The following REG4 variants were observed in gnomAD, a reference collection of about 807,000 sequenced individuals.
REG4 encodes regenerating family member 4, also known as regenerating islet-derived protein 4.
REG4 carries 16 observed loss-of-function variants against 22.3 expected under a neutral mutation model. That is an observed-to-expected ratio of 0.72 (90% confidence interval 0.49 to 1.09). The LOEUF (loss-of-function observed/expected upper bound fraction) is 1.09. REG4 is among the 50% of genes least tolerant of loss of function. The pLI is 0.00. For missense variants in REG4, 214 were observed against 193.9 expected (o/e 1.10, Z -0.61); for synonymous variants, 71 against 69.2 (o/e 1.03, Z -0.13).
At chr1:119,807,102 T>A (rs994478540) in intron 2 of REG4, among the ~76,000 whole-genome samples, 1 of 152,220 alleles carries the variant, frequency 6.6e-6, no homozygotes, top group Non-Finnish European at 1.5e-5. Flanking sequence ...TTGCTCTATG[T>A]CTCTCCACTC....
chr1:119,794,638 G>A lies in REG4; in HGVS notation c.457C>T (p.Leu153=). 1.2e-6 allele frequency: 2 copies of A among 1,614,178 alleles called. No individual in the cohort carries two copies. Among genetic ancestry groups the A allele is most frequent in the African/African-American group, 2.7e-5 (2 of 75,062 alleles). Residue 153 remains leucine, a synonymous_variant, in exon 6 of 6, where the codon CTG becomes TTG. Transcript: ENST00000256585. ...SNECNKRQHF[L]CKYRP Reference sequence around the variant, plus strand: ...TTGCTCTATGGTCGGTACTTGCACAGGAAGTGTTGGCGCTTGTTGCATTCG... The same window carrying A: ...TTGCTCTATGGTCGGTACTTGCACAAGAAGTGTTGGCGCTTGTTGCATTCG...
intron 1 of REG4, among the ~76,000 whole-genome samples, chr1:119,809,939 A>C (rs1241172362): frequency 6.6e-6 from 1 of 152,112 alleles, no homozygotes. Flanking sequence ...CTTTTTATAT[A>C]ATGATTTGCT....
chr1:119,794,811 G>A, intron 5 of REG4, 126 bp from the exon 6 acceptor site: 1 of 813,270 alleles, frequency 1.2e-6, no homozygotes, highest in Non-Finnish European at 2.1e-6. Context: ...TGTCAACTTA[G>A]CTAGACTATG....
intron 3 of REG4, 117 bp from the exon 4 acceptor site, chr1:119,799,979 A>T (rs1654049505): frequency 2.3e-6 from 3 of 1,309,368 alleles, no homozygotes; most frequent in East Asian, 4.7e-5. Flanking sequence ...TCCTCCACAC[A>T]TCGTGCTCTA....
At chr1:119,799,281 G>C (rs1654026134) in intron 4 of REG4, among the ~76,000 whole-genome samples, 1 of 151,714 alleles carries the variant, frequency 6.6e-6, no homozygotes, top group Non-Finnish European at 1.5e-5. Context: ...AAGTTACAGT[G>C]AAAAACATCA....
At chr1:119,796,889 A>G (rs149267649) in intron 5 of REG4, among the ~76,000 whole-genome samples, 26 of 152,336 alleles carry the variant, frequency 1.7e-4, no homozygotes, top group African/African-American at 5.3e-4. Flanking sequence ...ACTTTGTCCA[A>G]TGGGAATGTC....
chr1:119,795,318 G>T (rs1653903949), intron 5 of REG4, among the ~76,000 whole-genome samples: 1 of 152,174 alleles, frequency 6.6e-6, no homozygotes, highest in South Asian at 2.1e-4. Flanking sequence ...GTTGAGGCAG[G>T]ATGCAGTGAG....
intron 3 of REG4, among the ~76,000 whole-genome samples, chr1:119,800,986 T>C (rs971556916): frequency 6.6e-6 from 1 of 152,250 alleles, no homozygotes; most frequent in African/African-American, 2.4e-5. Context: ...CAATTTTTCC[T>C]TCTTCCTTTG....
chr1:119,805,161 T>C (rs749678478), intron 2 of REG4, among the ~76,000 whole-genome samples: 3 of 152,230 alleles, frequency 2.0e-5, no homozygotes, highest in African/African-American at 4.8e-5. Context: ...CCTTGATTAT[T>C]TTCTCAGGAG....
chr1:119,799,627 C>A (rs1654037867), intron 4 of REG4, 98 bp downstream of exon 4: 4 of 1,469,428 alleles, frequency 2.7e-6, no homozygotes, highest in Non-Finnish European at 1.9e-6. Flanking sequence ...GAAGATCCAC[C>A]CGCTGTGTCC....
intron 5 of REG4, among the ~76,000 whole-genome samples, chr1:119,796,543 G>A (rs746015716): frequency 1.3e-5 from 2 of 152,154 alleles, no homozygotes; most frequent in East Asian, 3.9e-4. Flanking sequence ...GTATATTGGG[G>A]CATTAATATA....
intron 5 of REG4, 25 bp downstream of exon 5, chr1:119,798,472 T>C: frequency 6.4e-7 from 1 of 1,570,022 alleles, no homozygotes; most frequent in Non-Finnish European, 8.8e-7. Flanking sequence ...TGGGAAGTGG[T>C]GAGGGGTGGT....
At chr1:119,804,298 C>T (rs587655848) in intron 2 of REG4, among the ~76,000 whole-genome samples, 1 of 152,226 alleles carries the variant, frequency 6.6e-6, no homozygotes, top group African/African-American at 2.4e-5. Flanking sequence ...CCTGCCTATG[C>T]ATCTCCCAGG....
intron 1 of REG4, among the ~76,000 whole-genome samples, chr1:119,809,426 G>A (rs1460574824): frequency 6.6e-6 from 1 of 152,098 alleles, no homozygotes; most frequent in African/African-American, 2.4e-5. Context: ...TAAAGAACAT[G>A]GCTTTATCTT....
chr1:119,807,523 G>A (rs369469065), intron 2 of REG4, among the ~76,000 whole-genome samples: 13 of 152,330 alleles, frequency 8.5e-5, no homozygotes, highest in Middle Eastern at 3.4e-3. Flanking sequence ...AAGTAGGTCT[G>A]AAGTCAGCAC....
chr1:119,799,301 T>C (rs7525506), intron 4 of REG4, among the ~76,000 whole-genome samples: 4 of 151,260 alleles, frequency 2.6e-5, no homozygotes, highest in African/African-American at 9.7e-5. Flanking sequence ...AAGGATAACA[T>C]AAAAAAAATT....
chr1:119,800,782 C>T (rs1490433791), intron 3 of REG4, among the ~76,000 whole-genome samples: 8 of 152,230 alleles, frequency 5.3e-5, no homozygotes, highest in Non-Finnish European at 1.0e-4. Flanking sequence ...TGTAGAATTC[C>T]TGCTGATTGG....
intron 5 of REG4, among the ~76,000 whole-genome samples, chr1:119,796,800 C>G (rs1050169808): frequency 5.9e-5 from 9 of 152,166 alleles, no homozygotes; most frequent in Non-Finnish European, 1.3e-4. Flanking sequence ...TGGTTCCCAT[C>G]CACACAACAG....
chr1:119,803,037 G>A, intron 3 of REG4, 31 bp downstream of exon 3: 1 of 1,611,804 alleles, frequency 6.2e-7, no homozygotes, highest in Non-Finnish European at 8.5e-7. Context: ...GCTCTAGAAA[G>A]GCCAGGCCAA....
Sources: gnomAD v4.1 joint callset for allele counts (sites outside exome capture counted in the v4.1 genomes callset) on GRCh38, gnomAD v4.1.1 for gene constraint, MANE v1.5 for transcripts, NCBI Gene and HGNC (gene_info 2026-07-23, HGNC 2026-07-21) for gene names.